Variants in NGFR observed in about 807,000 individuals in gnomAD.
The protein encoded by NGFR is tumor necrosis factor receptor superfamily member 16.
Under a neutral mutation model 43.2 loss-of-function variants are expected in NGFR, and 30 were observed. That is an observed-to-expected ratio of 0.69 (90% CI 0.52 to 0.94). The LOEUF (loss-of-function observed/expected upper bound fraction) is 0.94, where lower values mean the gene tolerates loss of function less well. Ranked by LOEUF, NGFR falls within the 40% of genes least tolerant of loss-of-function variation. NGFR has a pLI of 0.00. For synonymous variants in NGFR, 246 were observed against 259.6 expected (o/e 0.95, Z 0.50); for missense variants, 529 against 602.5 (o/e 0.88, Z 1.28).
chr17:49,502,094 C>T lies in NGFR; in HGVS notation c.98C>T (p.Pro33Leu). 6.2e-7 allele frequency: 1 copy of T among 1,604,478 alleles called. No homozygotes were observed. Among genetic ancestry groups the T allele is most frequent in the Non-Finnish European group, 8.5e-7 (1 of 1,173,184 alleles). ...VSLGGAKEAC[P>L]TGLYTHSGEC... The stretch of plus-strand genomic sequence containing the variant: ...CTTGGAGGTGCCAAGGAGGCATGCC[C>T]CACAGGCCTGTACACACACAGCGGT... The change falls in exon 2 of 6, where the codon CCC (proline) becomes CTC (leucine). Residue 33 changes from proline (P) to leucine (L), a missense_variant. Transcript: ENST00000172229.
Position 49,506,678 on chromosome 17 carries a change from C to CGGG in NGFR, c.568+24_568+26dup. 2.4e-5 allele frequency: 2 copies of CGGG among 84,920 alleles called. No homozygotes were observed. The highest frequency in any genetic ancestry group is 1.5e-5 in the Non-Finnish European group (1 of 68,330). 5.3% of individuals were successfully genotyped at this position (84,920 alleles called of 1,614,324 possible). A position where few individuals can be genotyped will look rare whatever the true frequency, so the allele number is the denominator to read the frequency against. On this transcript the variant is annotated intron_variant, in intron 3 of 5. Coordinates refer to ENST00000172229, the MANE Select transcript of NGFR (RefSeq NM_002507.4). ...GCGAGGGTGAGTGCGGTTCGGGGGG[C>CGGG]GGGGGGAGTGGGGGTGCGGGGGTGG...
At chr17:49,511,510 T>A (rs2671639) in intron 4 of NGFR, among the ~76,000 whole-genome samples, 26,637 of 147,874 alleles carry the variant, frequency 0.18, 2,781 homozygotes, top group East Asian at 0.4. Context: ...TCCCCATTGA[T>A]GGACATTTGT....
chr17:49,506,682 GGGAGTGGGGGTGC>G, intron 3 of NGFR, 24 bp downstream of exon 3: 2 of 1,174,408 alleles, frequency 1.7e-6, no homozygotes, highest in Non-Finnish European at 2.3e-6. Context: ...GGGGGGCGGG[GGGAGTGGGGGTGC>G]GGGGGTGGGC....
chr17:49,498,983 T>C (rs927742825), intron 1 of NGFR, among the ~76,000 whole-genome samples: 7 of 152,224 alleles, frequency 4.6e-5, no homozygotes, highest in Non-Finnish European at 1.0e-4. Context: ...ATTATTTCAC[T>C]TAATTCTCCC....
chr17:49,501,999 A>AGGGGGCCCCCCCCC, intron 1 of NGFR, 64 bp from the exon 2 acceptor site: 12 of 330,966 alleles, frequency 3.6e-5, no homozygotes, highest in Non-Finnish European at 5.9e-5. Flanking sequence ...TCCCCGGAAG[A>AGGGGGCCCCCCCCC]ACCCCCCCCA....
intron 2 of NGFR, among the ~76,000 whole-genome samples, chr17:49,503,422 C>G (rs1028129007): frequency 6.6e-6 from 1 of 152,196 alleles, no homozygotes; most frequent in Non-Finnish European, 1.5e-5. Flanking sequence ...TCCCTGCCTT[C>G]TACCTGGCAC....
chr17:49,513,050 A>G lies in NGFR; in HGVS notation c.*41A>G. 1 of 1,463,100 alleles carries G rather than the reference A, an allele frequency of 6.8e-7. No individual in the cohort carries two copies. Among genetic ancestry groups the G allele is most frequent in the Non-Finnish European group, 9.0e-7 (1 of 1,107,240 alleles). The allele number at this position is 1,463,100 out of a possible 1,614,324, so 90.6% of individuals were successfully genotyped here. A position where few individuals can be genotyped will look rare whatever the true frequency, so the allele number is the denominator to read the frequency against. On this transcript the variant is annotated 3_prime_UTR_variant, in exon 6 of 6. Transcript: ENST00000172229. Reference sequence around the variant, plus strand: ...CCCCGCCCCGCCCCACATTCCGACAACCGATGCTCCAGCCAACCCCTGTGG... The same window carrying G: ...CCCCGCCCCGCCCCACATTCCGACAGCCGATGCTCCAGCCAACCCCTGTGG...
Position 49,498,594 on chromosome 17 carries a change from T to A in NGFR, c.66+3111T>A, listed in dbSNP as rs2071151700. On this transcript the variant is annotated intron_variant, in intron 1 of 5. Transcript: ENST00000172229. ...TCAAATACTTTCAACTGTTTCGCTG[T>A]TTCTCTCTTTTCTCTAATTAAAAAA... Among the ~76,000 whole-genome samples, 3 of 152,238 alleles carry A rather than the reference T, an allele frequency of 2.0e-5. No homozygotes were observed. In the South Asian group the frequency reaches 6.2e-4, roughly 32 times the overall value.
In NGFR at chr17:49,506,570, C is replaced by G. The variant is rs527759009; in HGVS notation, c.480C>G (p.His160Gln). 1.9e-6 allele frequency: 3 copies of G among 1,611,314 alleles called. No homozygotes were observed. Among genetic ancestry groups the G allele is most frequent in the Non-Finnish European group, 2.5e-6 (3 of 1,179,492 alleles). ...GCACGTATTCCGACGAGGCCAACCACGTGGACCCGTGCCTGCCCTGCACCG... is the reference window on the plus strand; with the variant it reads ...GCACGTATTCCGACGAGGCCAACCAGGTGGACCCGTGCCTGCCCTGCACCG... The part of the protein sequence containing the change: ...PDGTYSDEAN[H>Q]VDPCLPCTVC... Residue 160 changes from histidine (H) to glutamine (Q), a missense_variant, in exon 3 of 6, where the codon CAC becomes CAG. Coordinates refer to ENST00000172229, the MANE Select transcript of NGFR (RefSeq NM_002507.4).
In NGFR at chr17:49,506,673, G is replaced by T. The variant is rs778366552; in HGVS notation, c.568+15G>T. ...CGAGTGCGAGGGTGAGTGCGGTTCG[G>T]GGGGCGGGGGGAGTGGGGGTGCGGG... On this transcript the variant is annotated intron_variant, in intron 3 of 5. Coordinates refer to ENST00000172229, the MANE Select transcript of NGFR (RefSeq NM_002507.4). 1.4e-6 allele frequency: 2 copies of T among 1,401,458 alleles called. No homozygotes were observed. Among genetic ancestry groups the T allele is most frequent in the South Asian group, 1.5e-5 (1 of 64,722 alleles). The allele number at this position is 1,401,458 out of a possible 1,614,324, so 86.8% of individuals were successfully genotyped here. A position where few individuals can be genotyped will look rare whatever the true frequency, so the allele number is the denominator to read the frequency against.
At chr17:49,502,816 C>CTTCCTTCCTTCCT (rs1420818737) in intron 2 of NGFR, among the ~76,000 whole-genome samples, 20 of 6,120 alleles carry the variant, frequency 3.3e-3, no homozygotes, top group African/African-American at 8.1e-3. Flanking sequence ...CCTGGGATTT[C>CTTCCTTCCTTCCT]TTCCTTCCTT....
chr17:49,503,356 G>A (rs1445781104), intron 2 of NGFR, among the ~76,000 whole-genome samples: 2 of 152,140 alleles, frequency 1.3e-5, no homozygotes, highest in Admixed American at 6.5e-5. Context: ...CCTGATCGGT[G>A]CCCCCAGTCC....
At chr17:49,502,018 C>CCCCCCCCAGTG in intron 1 of NGFR, 45 bp from the exon 2 acceptor site, 1 of 1,320,364 alleles carries the variant, frequency 7.6e-7, no homozygotes. Flanking sequence ...CAACCCACCC[C>CCCCCCCCAGTG]AGCTTTCTCT....
rs377598315 is a variant in NGFR at position 49,513,107 on chromosome 17, G to A, written c.*98G>A. 142 of 1,318,544 alleles carry A rather than the reference G, an allele frequency of 1.1e-4. No homozygotes were observed. In the South Asian group the frequency reaches 1.8e-3, roughly 17 times the overall value. 81.7% of individuals were successfully genotyped at this position (1,318,544 alleles called of 1,614,324 possible). A position where few individuals can be genotyped will look rare whatever the true frequency, so the allele number is the denominator to read the frequency against. ...CACCCCCACCCTTTGGGGGGGGCCC[G>A]CCTGGCAGAACTGAGCTCCTCTGGG... On this transcript the variant is annotated 3_prime_UTR_variant, in exon 6 of 6. Transcript: ENST00000172229.
At chr17:49,508,701 G>C (rs2071213896) in intron 3 of NGFR, among the ~76,000 whole-genome samples, 1 of 152,184 alleles carries the variant, frequency 6.6e-6, no homozygotes, top group Non-Finnish European at 1.5e-5. Flanking sequence ...CCTGCCAAGG[G>C]CTTAGTAGGT....
chr17:49,495,542 C>T lies in NGFR; in HGVS notation c.66+59C>T, dbSNP rs1310552314. The T allele has an allele frequency of 7.5e-6, 9 of 1,193,162 alleles. No homozygotes were observed. In the East Asian group the frequency reaches 2.2e-4, roughly 29 times the overall value. The allele number at this position is 1,193,162 out of a possible 1,614,324, so 73.9% of individuals were successfully genotyped here. A position where few individuals can be genotyped will look rare whatever the true frequency, so the allele number is the denominator to read the frequency against. ...CCCGGGATCAGAACTCCGAGAAGAG[C>T]CGGGCGCCGCCACCAAGGAAACAGA... On this transcript the variant is annotated intron_variant, in intron 1 of 5. Coordinates refer to ENST00000172229, the MANE Select transcript of NGFR (RefSeq NM_002507.4). This position sits in a 1 kb window ranked among gnomAD's most constrained non-coding sequence, Gnocchi z 6.4.
intron 2 of NGFR, among the ~76,000 whole-genome samples, chr17:49,504,921 A>G (rs996254035): frequency 2.1e-4 from 32 of 151,504 alleles, no homozygotes; most frequent in South Asian, 2.1e-4. Context: ...ACAGACGTGC[A>G]CCACTACACC....
intron 3 of NGFR, among the ~76,000 whole-genome samples, chr17:49,507,768 A>T (rs910402987): frequency 1.3e-5 from 2 of 148,920 alleles, no homozygotes; most frequent in African/African-American, 4.9e-5. Flanking sequence ...GCAATATAGT[A>T]CCTCCTTCAG....
At chr17:49,500,871 C>T (rs1567737997) in intron 1 of NGFR, among the ~76,000 whole-genome samples, 1 of 152,106 alleles carries the variant, frequency 6.6e-6, no homozygotes, top group Non-Finnish European at 1.5e-5. Flanking sequence ...CTGATGAGGC[C>T]GCAGGATATT....
Sources: gnomAD v4.1 joint callset for allele counts (sites outside exome capture counted in the v4.1 genomes callset) on GRCh38, gnomAD v4.1.1 for gene constraint, Gnocchi (gnomAD v3.1) non-coding constraint, MANE v1.5 for transcripts, NCBI Gene and HGNC (gene_info 2026-07-23, HGNC 2026-07-21) for gene names.